PDZD2: variants seen among roughly 807,000 people sequenced by gnomAD.
The protein encoded by PDZD2 is PDZ domain containing 2, also known as PDZ domain-containing protein 2.
A neutral mutation model predicts 220.7 loss-of-function variants in PDZD2; 90 were observed. That is an observed-to-expected ratio of 0.41 (90% CI 0.34 to 0.49). The LOEUF is 0.49. PDZD2 is among the 20% of genes least tolerant of loss of function. The pLI, the probability that PDZD2 is intolerant of heterozygous loss-of-function variation, is 0.28. For synonymous variants in PDZD2, 1,375 were observed against 1,450.5 expected (o/e 0.95, Z 1.18); for missense variants, 3,174 against 3,608.5 (o/e 0.88, Z 3.08).
At chr5:31,674,049 C>T (rs931645523) in intron 1 of PDZD2, among the ~76,000 whole-genome samples, 5 of 152,158 alleles carry the variant, frequency 3.3e-5, no homozygotes, top group Non-Finnish European at 5.9e-5. Flanking sequence ...GGAGGAGAGC[C>T]CTCAACAAGA....
intron 7 of PDZD2, among the ~76,000 whole-genome samples, chr5:32,046,243 T>G (rs1581367841): frequency 6.6e-6 from 1 of 152,084 alleles, no homozygotes; most frequent in East Asian, 1.9e-4. Flanking sequence ...GAAGTTTTGT[T>G]TTTGTTTTTG....
chr5:31,701,218 G>A (rs559433867), intron 1 of PDZD2, among the ~76,000 whole-genome samples: 8 of 151,880 alleles, frequency 5.3e-5, no homozygotes, highest in Non-Finnish European at 8.8e-5. Context: ...TTTTTTTGAG[G>A]CAGAGTCTCG....
chr5:31,744,760 TC>T (rs1253389458), intron 1 of PDZD2, among the ~76,000 whole-genome samples: 1 of 152,176 alleles, frequency 6.6e-6, no homozygotes, highest in Non-Finnish European at 1.5e-5. Context: ...AAAAGAATTT[TC>T]CCTCTGCTAG....
chr5:31,743,420 A>T (rs934477246), intron 1 of PDZD2, among the ~76,000 whole-genome samples: 1 of 152,026 alleles, frequency 6.6e-6, no homozygotes, highest in Non-Finnish European at 1.5e-5. Context: ...GGCCTCCCAA[A>T]GTGCTGGGAC....
At chr5:31,959,449 C>G (rs1235187722) in intron 2 of PDZD2, among the ~76,000 whole-genome samples, 2 of 151,934 alleles carry the variant, frequency 1.3e-5, no homozygotes, top group Non-Finnish European at 2.9e-5. Context: ...ACCTCCTTCT[C>G]TTGGGTTCAA....
rs946322806 is a variant in PDZD2, at chr5:31,660,867, C to A, written c.-361+21430C>A. 3.3e-5 allele frequency among the ~76,000 whole-genome samples: 5 copies of A among 152,156 alleles called. No homozygotes were observed. The East Asian group carries it at 9.6e-4, about 29-fold the overall frequency. On this transcript the variant is annotated intron_variant, in intron 1 of 24. Transcript: ENST00000438447. ...CCTCCTGAGTAGCTTAGACTAACTA[C>A]AGGCATGTGTCACTATGCCCAGTGA...
At chr5:31,881,457 A>C (rs1195040899) in intron 2 of PDZD2, among the ~76,000 whole-genome samples, 2 of 150,108 alleles carry the variant, frequency 1.3e-5, no homozygotes, top group Non-Finnish European at 3.0e-5. Context: ...AGCTCACTGC[A>C]ACCTCTGCCT....
At chr5:31,822,973 G>A (rs776962044) in intron 2 of PDZD2, 24 of 1,137,440 alleles carry the variant, frequency 2.1e-5, no homozygotes, top group Non-Finnish European at 2.9e-5. Flanking sequence ...GTCAACCCGG[G>A]GCCTCTTTTT....
Position 32,090,485 on chromosome 5 carries a change from C to T in PDZD2, c.7037C>T (p.Ala2346Val), listed in dbSNP as rs1743005923. Residue 2346 changes from alanine to valine, a missense_variant, in exon 20 of 25, where the codon GCC becomes GTC. Around this residue, in one of 4 missense-constraint regions of PDZD2, gnomAD observed 631 missense variants for 789.9 expected, o/e 0.80. Coordinates refer to ENST00000438447, the MANE Select transcript of PDZD2 (RefSeq NM_178140.4). This position sits in a 1 kb window ranked among gnomAD's most constrained non-coding sequence, Gnocchi z 4.3. ...CGGATCAAGTCTTTTGAGAACCTGG[C>T]CAATGCTGACCGGCCTGTAGCCAAG... ...KQRIKSFENL[A>V]NADRPVAKSG... 1 of 1,613,948 alleles carries T rather than the reference C, an allele frequency of 6.2e-7. No individual in the cohort carries two copies. The highest frequency in any genetic ancestry group is 8.5e-7 in the Non-Finnish European group (1 of 1,180,042).
chr5:31,686,478 C>T (rs1470862841), intron 1 of PDZD2, among the ~76,000 whole-genome samples: 3 of 152,028 alleles, frequency 2.0e-5, no homozygotes. Context: ...ATTCTCCTGC[C>T]ACAGCCTTCC....
rs181992589 is a variant in PDZD2 at position 32,070,935 on chromosome 5, G to A, written c.2534-449G>A. ...TTCAGTGAGCCGAGATCATGCCATT[G>A]CACTCCAGCCTGGGCAACAAGAGTC... On this transcript the variant is annotated intron_variant, in intron 15 of 24. Transcript: ENST00000438447. Among the ~76,000 whole-genome samples the A allele has an allele frequency of 7.8e-4, 84 of 107,890 alleles. 1 individual carries two copies. Among genetic ancestry groups the A allele is most frequent in the Admixed American group, 6.0e-3 (70 of 11,704 alleles). 70.8% of individuals were successfully genotyped at this position (107,890 alleles called of 152,430 possible).
intron 3 of PDZD2, among the ~76,000 whole-genome samples, chr5:31,989,876 G>T (rs1055158549): frequency 2.4e-4 from 36 of 152,194 alleles, no homozygotes; most frequent in African/African-American, 7.7e-4. Flanking sequence ...ATTAATCAAG[G>T]CCCCAAGAAT....
intron 2 of PDZD2, among the ~76,000 whole-genome samples, chr5:31,828,250 T>C (rs769453503): frequency 9.2e-5 from 14 of 152,196 alleles, no homozygotes; most frequent in Non-Finnish European, 1.3e-4. Context: ...ATGTGTAACT[T>C]TTTGAGAAAT....
intron 6 of PDZD2, among the ~76,000 whole-genome samples, chr5:32,020,793 C>T (rs537032749): frequency 9.2e-5 from 14 of 152,016 alleles, no homozygotes; most frequent in African/African-American, 3.4e-4. Flanking sequence ...TATAGGTGCA[C>T]ACCACCATTC....
At chr5:32,004,449 T>G (rs1234668826) in intron 5 of PDZD2, among the ~76,000 whole-genome samples, 1 of 152,112 alleles carries the variant, frequency 6.6e-6, no homozygotes, top group Non-Finnish European at 1.5e-5. Context: ...AAATTAGCCA[T>G]GCATGGTAGC....
At chr5:31,762,407 C>A (rs959964033) in intron 1 of PDZD2, among the ~76,000 whole-genome samples, 1 of 152,226 alleles carries the variant, frequency 6.6e-6, no homozygotes, top group Non-Finnish European at 1.5e-5. Context: ...CCTTCCTCAG[C>A]CTCCCAAGTA....
intron 1 of PDZD2, among the ~76,000 whole-genome samples, chr5:31,659,852 A>C (rs1745693925): frequency 6.6e-6 from 1 of 152,190 alleles, no homozygotes. Context: ...CCGATGTTAC[A>C]AGATTGAGCT....
intron 2 of PDZD2, among the ~76,000 whole-genome samples, chr5:31,929,410 T>C (rs897145330): frequency 3.9e-5 from 6 of 152,238 alleles, no homozygotes; most frequent in Non-Finnish European, 8.8e-5. Flanking sequence ...CTCTGGCCTC[T>C]GCCACTAGAT....
At chr5:31,938,798 A>C (rs1202733144) in intron 2 of PDZD2, among the ~76,000 whole-genome samples, 1 of 152,222 alleles carries the variant, frequency 6.6e-6, no homozygotes, top group Non-Finnish European at 1.5e-5. Flanking sequence ...CTGAACATGC[A>C]GTGCTCCTCT....
Sources: allele counts gnomAD v4.1 joint callset (sites outside exome capture counted in the v4.1 genomes callset), GRCh38; gene constraint gnomAD v4.1.1; regional missense constraint gnomAD v4.1.1; non-coding constraint Gnocchi (gnomAD v3.1); transcripts MANE v1.5; gene names NCBI Gene and HGNC (gene_info 2026-07-23, HGNC 2026-07-21).